The following ATP2C2 variants were observed in gnomAD, a reference collection of about 807,000 sequenced individuals.
ATP2C2 encodes ATPase secretory pathway Ca2+ transporting 2, also known as calcium-transporting ATPase type 2C member 2.
ATP2C2 carries 171 observed loss-of-function variants against 110.8 expected under a neutral mutation model. The observed-to-expected ratio is 1.54, with a 90% CI of 1.36 to 1.75. The LOEUF is 1.75. Among genes scored for constraint, ATP2C2 ranks in the 40% most tolerant of loss-of-function variants. The probability of loss-of-function intolerance (pLI) is 0.00; values close to 1 mark genes in which losing one functional copy is unlikely to be tolerated. For missense variants in ATP2C2, 1,963 were observed against 1,235.0 expected (o/e 1.59, Z -8.84); for synonymous variants, 804 against 508.4 (o/e 1.58, Z -7.82).
intron 10 of ATP2C2, among the ~76,000 whole-genome samples, chr16:84,425,525 C>G (rs1372530600): frequency 6.7e-6 from 1 of 148,624 alleles, no homozygotes; most frequent in African/African-American, 2.6e-5. Flanking sequence ...TTGGCTTGGA[C>G]CTTTCCTAAG....
At chr16:84,459,702 T>A in intron 23 of ATP2C2, 1 of 980,928 alleles carries the variant, frequency 1.0e-6, no homozygotes, top group Non-Finnish European at 1.5e-6. Flanking sequence ...CAGGAAGTCT[T>A]CCCTGATTGC....
chr16:84,462,399 G>C (rs1041801894), intron 26 of ATP2C2: 2 of 378,448 alleles, frequency 5.3e-6, no homozygotes. Flanking sequence ...CCAGGCGTCG[G>C]GCTGGAGGCT....
intron 16 of ATP2C2, among the ~76,000 whole-genome samples, chr16:84,447,037 C>G (rs2150575916): frequency 6.6e-6 from 1 of 152,310 alleles, no homozygotes; most frequent in East Asian, 1.9e-4. Flanking sequence ...GTGGACATTA[C>G]AGCTGATTTT....
intron 10 of ATP2C2, 33 bp downstream of exon 10, chr16:84,423,296 C>T (rs776781110): frequency 2.5e-6 from 4 of 1,594,006 alleles, no homozygotes; most frequent in East Asian, 2.2e-5. Flanking sequence ...TGGGTTTGTT[C>T]TGCAGATGGA....
chr16:84,456,443 GC>G (rs1033765025), intron 21 of ATP2C2, among the ~76,000 whole-genome samples: 2 of 149,302 alleles, frequency 1.3e-5, no homozygotes, highest in African/African-American at 4.9e-5. Flanking sequence ...AGACAGGGAT[GC>G]CCTCTCTCAC....
chr16:84,451,816 C>T (rs768342647), intron 17 of ATP2C2, 105 bp from the exon 18 acceptor site: 110 of 1,185,564 alleles, frequency 9.3e-5, no homozygotes, highest in Middle Eastern at 5.9e-4. Flanking sequence ...CCAACCTGGG[C>T]GATAAGAACA....
chr16:84,433,515 T>C lies in ATP2C2; in HGVS notation c.987-5651T>C, dbSNP rs565707298. Among the ~76,000 whole-genome samples, 24 of 152,046 alleles carry C rather than the reference T, an allele frequency of 1.6e-4. No individual in the cohort carries two copies. In the South Asian group the frequency reaches 4.8e-3, roughly 30 times the overall value. On this transcript the variant is annotated intron_variant, in intron 11 of 26. Transcript: ENST00000262429. ...TAAAAATACAAAAATTAGCCGGGCA[T>C]GGTGGCGTATGCCTGTAGTCCCAGC...
intron 1 of ATP2C2, among the ~76,000 whole-genome samples, chr16:84,381,095 G>A (rs998301877): frequency 6.6e-6 from 1 of 152,210 alleles, no homozygotes; most frequent in Non-Finnish European, 1.5e-5. Context: ...GGCTGAGTCC[G>A]AAAAGAGAGT....
rs1250995204 is a variant in ATP2C2, at chr16:84,385,891, G to T, written c.100-12608G>T. Among the ~76,000 whole-genome samples the T allele has an allele frequency of 1.3e-5, 2 of 152,222 alleles. 1 individual carries two copies. Among genetic ancestry groups the T allele is most frequent in the South Asian group, 4.1e-4 (2 of 4,824 alleles). On this transcript the variant is annotated intron_variant, in intron 1 of 26. Coordinates refer to ENST00000262429, the MANE Select transcript of ATP2C2 (RefSeq NM_014861.4). ...CACTTCAGATTACAATTCCAAATGA[G>T]ATTTGGGTGGGGACACAGAGCCAGG...
At chr16:84,442,383 G>A (rs541945887) in intron 14 of ATP2C2, 127 bp from the exon 15 acceptor site, 124 of 811,676 alleles carry the variant, frequency 1.5e-4, no homozygotes, top group Middle Eastern at 1.2e-3. Context: ...AAGCCGGGAC[G>A]CTGAGTTGTT....
chr16:84,439,061 G>A (rs1908996358), intron 11 of ATP2C2, 105 bp from the exon 12 acceptor site: 10 of 1,498,932 alleles, frequency 6.7e-6, no homozygotes, highest in Admixed American at 1.8e-5. Context: ...GGACACTGGG[G>A]ACACCTAAGA....
chr16:84,374,632 G>T (rs1017929762), intron 1 of ATP2C2, among the ~76,000 whole-genome samples: 69 of 152,132 alleles, frequency 4.5e-4, no homozygotes, highest in African/African-American at 1.6e-3. Context: ...AATGGTTGCT[G>T]CTTGGTGGCC....
intron 1 of ATP2C2, among the ~76,000 whole-genome samples, chr16:84,389,706 ACT>A (rs1267461911): frequency 3.0e-5 from 4 of 133,110 alleles, no homozygotes; most frequent in Admixed American, 7.9e-5. Context: ...TGGGAACTTC[ACT>A]CTCACTGTTT....
chr16:84,436,535 G>T (rs1450112110), intron 11 of ATP2C2, among the ~76,000 whole-genome samples: 2 of 152,168 alleles, frequency 1.3e-5, no homozygotes, highest in African/African-American at 4.8e-5. Flanking sequence ...GATGTTTCTG[G>T]TATCTCAGAT....
chr16:84,418,628 C>T (rs891996505), intron 7 of ATP2C2, among the ~76,000 whole-genome samples: 5 of 152,196 alleles, frequency 3.3e-5, no homozygotes, highest in African/African-American at 7.2e-5. Flanking sequence ...GCAGAGGTTG[C>T]GTGGCCCTGC....
chr16:84,439,068 A>T (rs940209815), intron 11 of ATP2C2, 98 bp from the exon 12 acceptor site: 3 of 1,536,444 alleles, frequency 2.0e-6, no homozygotes, highest in Non-Finnish European at 2.6e-6. Context: ...GGGGACACCT[A>T]AGACAAGCTT....
chr16:84,454,738 G>C (rs981597115), intron 20 of ATP2C2, 80 bp from the exon 21 acceptor site: 1 of 1,417,648 alleles, frequency 7.1e-7, no homozygotes, highest in African/African-American at 1.5e-5. Context: ...GGTGTCTGTG[G>C]CTGGCCACAG....
At position 84,460,750 on chromosome 16, in the gene ATP2C2, C is replaced by T. The variant is rs1911235186; in HGVS notation, c.2430C>T (p.Leu810=). 3.7e-6 allele frequency: 6 copies of T among 1,614,150 alleles called. No homozygotes were observed. Among genetic ancestry groups the T allele is most frequent in the African/African-American group, 1.3e-5 (1 of 75,052 alleles). The change falls in exon 24 of 27, where the codon CTC becomes CTT. Residue 810 remains leucine, a synonymous_variant. Coordinates refer to ENST00000262429, the MANE Select transcript of ATP2C2 (RefSeq NM_014861.4). ...ILSRALILKI[L]MSAAIIISGT... is the part of the protein sequence containing the mutation. ...GCAGAGCCCTCATCCTGAAGATCCT[C>T]ATGTCCGCGGCCATCATCATCAGCG...
chr16:84,441,019 C>G, intron 14 of ATP2C2, 61 bp downstream of exon 14: 2 of 1,365,058 alleles, frequency 1.5e-6, no homozygotes, highest in Non-Finnish European at 2.1e-6. Context: ...TGGGGCTCCT[C>G]TCTGAAAAGG....
Sources: allele counts gnomAD v4.1 joint callset (sites outside exome capture counted in the v4.1 genomes callset), GRCh38; gene constraint gnomAD v4.1.1; transcripts MANE v1.5; gene names NCBI Gene and HGNC (gene_info 2026-07-23, HGNC 2026-07-21).